The following ACACA variants were observed in gnomAD, a reference collection of about 807,000 sequenced individuals.
ACACA encodes acetyl-CoA carboxylase 1.
ACACA carries 103 observed loss-of-function variants against 296.1 expected under a neutral mutation model. That is an observed-to-expected ratio of 0.35 (90% CI 0.30 to 0.41). The LOEUF (loss-of-function observed/expected upper bound fraction) is 0.41, where lower values mean the gene tolerates loss of function less well. ACACA is among the 10% of genes least tolerant of loss of function. ACACA has a pLI of 1.00. For synonymous variants in ACACA, 953 were observed against 1,038.6 expected (o/e 0.92, Z 1.58); for missense variants, 1,554 against 2,989.7 (o/e 0.52, Z 11.20).
Position 37,400,639 on chromosome 17 carries a change from TA to T in ACACA, c.38+5622del, listed in dbSNP as rs555563684. On this transcript the variant is annotated intron_variant, in intron 1 of 55. Transcript: ENST00000616317. ...AGTATTTGTTTTTCTGTGCCTGGCT[TA>T]TTTCACTTAGCATAATGTCCTCCAG... is the stretch of plus-strand genomic sequence containing the variant. Among the ~76,000 whole-genome samples, 22 of 152,344 alleles carry T rather than the reference TA, an allele frequency of 1.4e-4. No individual in the cohort carries two copies. The South Asian group carries it at 4.3e-3, about 30-fold the overall frequency.
At chr17:37,287,120 T>C (rs945012516) in intron 3 of ACACA, among the ~76,000 whole-genome samples, 1 of 152,196 alleles carries the variant, frequency 6.6e-6, no homozygotes, top group African/African-American at 2.4e-5. Context: ...ATAAGCTCCT[T>C]TGTACACCGT....
chr17:37,376,024 GGCAGA>G (rs1224348183), intron 1 of ACACA: 1 of 1,367,914 alleles, frequency 7.3e-7, no homozygotes, highest in Non-Finnish European at 1.0e-6. Flanking sequence ...AGCAACTAGA[GGCAGA>G]GCTATCAAGG....
intron 42 of ACACA, among the ~76,000 whole-genome samples, chr17:37,159,616 C>T (rs990205854): frequency 2.6e-5 from 4 of 152,182 alleles, no homozygotes; most frequent in Non-Finnish European, 5.9e-5. Flanking sequence ...AGAAAAACCC[C>T]TGTACTGGAT....
chr17:37,390,175 T>TATATATATACACACACACAC (rs60788220), intron 1 of ACACA, among the ~76,000 whole-genome samples: 2 of 44,506 alleles, frequency 4.5e-5, no homozygotes, highest in African/African-American at 2.3e-4. Context: ...TATATATATA[T>TATATATATACACACACACAC]ACACACACAC....
At chr17:37,133,262 A>G (rs1373289642) in intron 45 of ACACA, among the ~76,000 whole-genome samples, 1 of 152,152 alleles carries the variant, frequency 6.6e-6, no homozygotes, top group East Asian at 1.9e-4. Context: ...CTACTTAACA[A>G]TCGGTGAAGA....
chr17:37,245,254 T>G, intron 19 of ACACA, 40 bp from the exon 20 acceptor site: 1 of 1,607,712 alleles, frequency 6.2e-7, no homozygotes, highest in Non-Finnish European at 8.5e-7. Flanking sequence ...TTATCTCTCT[T>G]TACACAGATG....
At chr17:37,190,453 A>C (rs1411003422) in intron 38 of ACACA, among the ~76,000 whole-genome samples, 4 of 152,056 alleles carry the variant, frequency 2.6e-5, no homozygotes, top group Non-Finnish European at 4.4e-5. Context: ...AAAGAAAGAA[A>C]GCGTTAGAGG....
intron 41 of ACACA, among the ~76,000 whole-genome samples, chr17:37,175,774 C>T (rs1330958602): frequency 2.0e-5 from 3 of 152,182 alleles, no homozygotes; most frequent in Non-Finnish European, 4.4e-5. Flanking sequence ...AAATGTAATG[C>T]CATTCAAATA....
At chr17:37,236,976 T>C (rs192743078) in intron 24 of ACACA, among the ~76,000 whole-genome samples, 122 of 152,344 alleles carry the variant, frequency 8.0e-4, no homozygotes, top group Middle Eastern at 6.8e-3. Flanking sequence ...AGAACATCTC[T>C]AGTATCTTTG....
chr17:37,336,944 C>T (rs1406537093), intron 2 of ACACA, among the ~76,000 whole-genome samples: 1 of 152,170 alleles, frequency 6.6e-6, no homozygotes, highest in Non-Finnish European at 1.5e-5. Flanking sequence ...AGTTTACTCA[C>T]TTACAGAGAC....
intron 1 of ACACA, chr17:37,389,383 TTA>T (rs759840881): frequency 6.4e-7 from 1 of 1,559,696 alleles, no homozygotes; most frequent in Non-Finnish European, 8.7e-7. Context: ...TCTGTGTGGT[TTA>T]TGTCATTTGC....
chr17:37,220,159 C>G (rs2079218108), intron 29 of ACACA, among the ~76,000 whole-genome samples: 1 of 152,188 alleles, frequency 6.6e-6, no homozygotes, highest in South Asian at 2.1e-4. Context: ...GATTCATACT[C>G]TTGACATAGA....
At chr17:37,217,766 A>AAAAAC (rs2079094432) in intron 29 of ACACA, among the ~76,000 whole-genome samples, 1 of 92,014 alleles carries the variant, frequency 1.1e-5, no homozygotes, top group African/African-American at 5.3e-5. Context: ...AAAAAAAAAC[A>AAAAAC]ACCTGTTTTC....
chr17:37,336,631 C>T lies in ACACA; in HGVS notation c.85+3173G>A, dbSNP rs568384784. ...GCTACAGCTACCCTCTTTGGGTCCC[C>T]TCCCTTTGTATGGGAGCTCTGTCTT... On this transcript the variant is annotated intron_variant, in intron 2 of 55. Transcript: ENST00000616317. Among the ~76,000 whole-genome samples the T allele has an allele frequency of 1.4e-4, 22 of 152,312 alleles. 2 individuals are homozygous for T. The highest frequency in any genetic ancestry group is 4.1e-4 in the African/African-American group (17 of 41,576).
At chr17:37,361,094 C>G (rs991811505) in intron 1 of ACACA, among the ~76,000 whole-genome samples, 1 of 149,862 alleles carries the variant, frequency 6.7e-6, no homozygotes, top group Non-Finnish European at 1.5e-5. Context: ...GCTGGAGTGC[C>G]GTGGTGCAAT....
At chr17:37,249,357 C>G (rs1306940291) in intron 16 of ACACA, among the ~76,000 whole-genome samples, 6 of 152,192 alleles carry the variant, frequency 3.9e-5, no homozygotes, top group Non-Finnish European at 5.9e-5. Context: ...GCTTTCAATT[C>G]TTTCAGAATA....
chr17:37,117,017 C>G (rs2143005155), intron 50 of ACACA, among the ~76,000 whole-genome samples: 1 of 152,342 alleles, frequency 6.6e-6, no homozygotes, highest in East Asian at 1.9e-4. Flanking sequence ...AGCACATCTG[C>G]ATGAATGGTG....
intron 9 of ACACA, 100 bp from the exon 10 acceptor site, chr17:37,270,961 A>G: frequency 1.2e-6 from 1 of 810,588 alleles, no homozygotes; most frequent in Non-Finnish European, 2.1e-6. Flanking sequence ...TCATTTAGTA[A>G]TTCTAAATAC....
chr17:37,142,003 T>G (rs900134796), intron 45 of ACACA, among the ~76,000 whole-genome samples: 9 of 48,462 alleles, frequency 1.9e-4, no homozygotes, highest in Admixed American at 3.1e-4. Context: ...GTTTTTTTTG[T>G]TTTTTTTTGT....
Sources: gnomAD v4.1 joint callset for allele counts (sites outside exome capture counted in the v4.1 genomes callset) on GRCh38, gnomAD v4.1.1 for gene constraint, MANE v1.5 for transcripts, NCBI Gene and HGNC (gene_info 2026-07-23, HGNC 2026-07-21) for gene names.